Variants in FMN2 observed in about 807,000 individuals in gnomAD.
The protein encoded by FMN2 is formin 2.
FMN2 carries 51 observed loss-of-function variants against 142.3 expected under a neutral mutation model. That is an observed-to-expected ratio of 0.36 (90% CI 0.29 to 0.45). FMN2 has a LOEUF of 0.45. Among genes scored for constraint, FMN2 ranks in the 20% least tolerant of loss-of-function variants. The pLI, the probability that FMN2 is intolerant of heterozygous loss-of-function variation, is 1.00. For synonymous variants in FMN2, 882 were observed against 869.8 expected, an observed-to-expected ratio of 1.01 and a Z score of -0.25; for missense variants, 1,936 against 2,122.8, an observed-to-expected ratio of 0.91 and a Z score of 1.73.
intron 1 of FMN2, among the ~76,000 whole-genome samples, chr1:240,119,856 T>C (rs938308782): frequency 6.6e-6 from 1 of 152,216 alleles, no homozygotes; most frequent in African/African-American, 2.4e-5. Context: ...ATACATTATC[T>C]GAGCGGTAGG....
chr1:240,330,211 G>A (rs767905681), intron 10 of FMN2, among the ~76,000 whole-genome samples: 1 of 152,124 alleles, frequency 6.6e-6, no homozygotes, highest in Admixed American at 6.5e-5. Flanking sequence ...TGTTCCAGAC[G>A]TAGGCACCAT....
intron 1 of FMN2, among the ~76,000 whole-genome samples, chr1:240,116,416 G>A (rs535098918): frequency 3.3e-5 from 5 of 152,316 alleles, no homozygotes; most frequent in African/African-American, 1.2e-4. Flanking sequence ...GGGTGAGCCA[G>A]GAAGCACTCC....
At chr1:240,117,867 T>A (rs745449212) in intron 1 of FMN2, among the ~76,000 whole-genome samples, 1 of 152,124 alleles carries the variant, frequency 6.6e-6, no homozygotes, top group Non-Finnish European at 1.5e-5. Flanking sequence ...AGGAGACAGA[T>A]CACAGACTTA....
At chr1:240,219,300 A>T (rs1667018014) in intron 6 of FMN2, among the ~76,000 whole-genome samples, 1 of 152,168 alleles carries the variant, frequency 6.6e-6, no homozygotes, top group African/African-American at 2.4e-5. Flanking sequence ...AAACAGCAGG[A>T]TGTATCCTTC....
At chr1:240,295,473 G>A (rs191947120) in intron 8 of FMN2, among the ~76,000 whole-genome samples, 31 of 152,082 alleles carry the variant, frequency 2.0e-4, no homozygotes, top group Admixed American at 7.8e-4. Context: ...GGCAACCACC[G>A]TTATGCTTTC....
At chr1:240,114,947 C>T (rs890288386) in intron 1 of FMN2, among the ~76,000 whole-genome samples, 5 of 152,102 alleles carry the variant, frequency 3.3e-5, no homozygotes, top group South Asian at 4.1e-4. Context: ...TGAGCCACCG[C>T]GCCCGGCCAA....
intron 2 of FMN2, among the ~76,000 whole-genome samples, chr1:240,129,354 A>G (rs1662643394): frequency 6.6e-6 from 1 of 152,170 alleles, no homozygotes; most frequent in African/African-American, 2.4e-5. Context: ...GTACAGTATC[A>G]ACTTTCAAAG....
At chr1:240,197,756 G>A (rs1350127415) in intron 4 of FMN2, among the ~76,000 whole-genome samples, 1 of 143,638 alleles carries the variant, frequency 7.0e-6, no homozygotes, top group South Asian at 2.1e-4. Context: ...AGGAACCTGG[G>A]TACCTCCCAG....
Position 240,208,488 on chromosome 1 carries a change from C to A in FMN2, c.3676C>A (p.Pro1226Thr), listed in dbSNP as rs1216046981. 1.9e-6 allele frequency: 3 copies of A among 1,611,822 alleles called. No individual in the cohort carries two copies. In the Admixed American group the frequency reaches 5.0e-5, roughly 27 times the overall value. ...GIPPAPAPPL[P>T]PPGTGIPPPP... Reference sequence around the variant, plus strand: ...TCCACCTGCTCCAGCTCCCCCACTCCCTCCACCTGGGACAGGAATCCCACC... The same window carrying A: ...TCCACCTGCTCCAGCTCCCCCACTCACTCCACCTGGGACAGGAATCCCACC... Residue 1226 changes from proline to threonine, a missense_variant, in exon 5 of 18, where the codon CCT becomes ACT. This residue lies in a region of FMN2 where 259 missense variants were observed against 230.9 expected (regional missense o/e 1.12). Transcript: ENST00000319653.
chr1:240,107,417 C>T (rs1308406603), intron 1 of FMN2, among the ~76,000 whole-genome samples: 1 of 152,144 alleles, frequency 6.6e-6, no homozygotes, highest in Non-Finnish European at 1.5e-5. Context: ...TAAAACTCTT[C>T]AACCAAGTGA....
rs764547322 is a variant in FMN2, at chr1:240,093,313, G to A, written c.1204G>A (p.Ala402Thr). The A allele has an allele frequency of 5.0e-6, 8 of 1,608,760 alleles. No individual in the cohort carries two copies. Among genetic ancestry groups the A allele is most frequent in the Non-Finnish European group, 6.8e-6 (8 of 1,178,030 alleles). ...GGCCGCTTCCCTGCCCGGCAGCCCCGCGCCTAGCCAGCGCTGTTTCAAGCC... is the reference window on the plus strand; with the variant it reads ...GGCCGCTTCCCTGCCCGGCAGCCCCACGCCTAGCCAGCGCTGTTTCAAGCC... ...PAAASLPGSP[A>T]PSQRCFKPYP... Residue 402 changes from alanine to threonine, a missense_variant, in exon 1 of 18, where the codon GCG becomes ACG. By Grantham distance (58) the Ala-to-Thr change is moderately conservative. Transcript: ENST00000319653.
chr1:240,463,848 C>G (rs1676525145), intron 16 of FMN2, among the ~76,000 whole-genome samples: 1 of 151,814 alleles, frequency 6.6e-6, no homozygotes, highest in African/African-American at 2.4e-5. Context: ...AGTTAAAACA[C>G]AAAAATTAGC....
At chr1:240,281,453 G>A (rs752608489) in intron 7 of FMN2, among the ~76,000 whole-genome samples, 7 of 152,124 alleles carry the variant, frequency 4.6e-5, no homozygotes, top group African/African-American at 7.2e-5. Flanking sequence ...GGCAGGAACC[G>A]TGTCTGTCTG....
intron 7 of FMN2, among the ~76,000 whole-genome samples, chr1:240,269,493 G>C (rs1668922831): frequency 6.6e-6 from 1 of 151,844 alleles, no homozygotes; most frequent in Non-Finnish European, 1.5e-5. Context: ...CTCTGGTTTT[G>C]TCCTTTTTGA....
At chr1:240,294,724 C>T in intron 7 of FMN2, 98 bp from the exon 8 acceptor site, 1 of 1,050,816 alleles carries the variant, frequency 9.5e-7, no homozygotes, top group Non-Finnish European at 1.5e-6. Context: ...AGCCCCTGCT[C>T]CCTCTGGCTG....
intron 2 of FMN2, among the ~76,000 whole-genome samples, chr1:240,150,731 C>A (rs542262238): frequency 5.5e-4 from 83 of 151,998 alleles, no homozygotes; most frequent in Non-Finnish European, 9.7e-4. Flanking sequence ...TCTTTAACAC[C>A]CCTTGGAGGT....
chr1:240,204,738 C>T (rs921933406), intron 4 of FMN2, among the ~76,000 whole-genome samples: 12 of 151,836 alleles, frequency 7.9e-5, no homozygotes, highest in Admixed American at 4.6e-4. Context: ...GCGACAAGAG[C>T]GAAACTCCGT....
At chr1:240,216,956 A>T (rs1158983240) in intron 6 of FMN2, among the ~76,000 whole-genome samples, 2 of 152,200 alleles carry the variant, frequency 1.3e-5, no homozygotes, top group Non-Finnish European at 2.9e-5. Context: ...CTCAAAAAAA[A>T]AAAAAGTTAT....
chr1:240,190,251 T>C (rs1665649390), intron 4 of FMN2, among the ~76,000 whole-genome samples: 1 of 152,206 alleles, frequency 6.6e-6, no homozygotes, highest in African/African-American at 2.4e-5. Flanking sequence ...CTTATCCTTG[T>C]TGACAGTGAA....
Sources: allele counts gnomAD v4.1 joint callset (sites outside exome capture counted in the v4.1 genomes callset), GRCh38; gene constraint gnomAD v4.1.1; regional missense constraint gnomAD v4.1.1; transcripts MANE v1.5; gene names NCBI Gene and HGNC (gene_info 2026-07-23, HGNC 2026-07-21).